The following FAH variants were observed in gnomAD, a reference collection of about 807,000 sequenced individuals.
The protein encoded by FAH is fumarylacetoacetase.
Under a neutral mutation model 55.8 loss-of-function variants are expected in FAH, and 47 were observed. The ratio of observed to expected loss-of-function variants is 0.84; its 90% confidence interval spans 0.67 to 1.07. The LOEUF is 1.07. Among genes scored for constraint, FAH ranks in the 50% least tolerant of loss-of-function variants. The probability of loss-of-function intolerance (pLI) is 0.00; values close to 1 mark genes in which losing one functional copy is unlikely to be tolerated. For missense variants in FAH, 495 were observed against 545.9 expected (o/e 0.91, Z 0.93); for synonymous variants, 199 against 207.7 (o/e 0.96, Z 0.36).
intron 9 of FAH, chr15:80,173,391 T>C: frequency 1.7e-6 from 1 of 593,420 alleles, no homozygotes; most frequent in Non-Finnish European, 3.0e-6. Flanking sequence ...TTTTGTAACC[T>C]TAAGAATCTT....
chr15:80,180,960 T>C (rs2041326007), intron 12 of FAH, 82 bp from the exon 13 acceptor site: 1 of 1,163,438 alleles, frequency 8.6e-7, no homozygotes, highest in Non-Finnish European at 1.3e-6. Flanking sequence ...TTCTCGGGAC[T>C]CCCAGGTCTT....
intron 1 of FAH, 60 bp downstream of exon 1, chr15:80,153,195 GTGGAGTGGAGTGGAGTGGAA>G: frequency 8.7e-7 from 1 of 1,147,526 alleles, no homozygotes; most frequent in East Asian, 3.1e-5. Context: ...GTGGAGTGGA[GTGGAGTGGAGTGGAGTGGAA>G]TGGAGTGGAA....
intron 10 of FAH, among the ~76,000 whole-genome samples, chr15:80,176,436 C>T (rs567746856): frequency 2.3e-4 from 35 of 152,340 alleles, no homozygotes; most frequent in African/African-American, 7.7e-4. Flanking sequence ...AGGCGCAGTA[C>T]ACTGCAGGAG....
In FAH at chr15:80,158,181, G is replaced by A; in HGVS notation, c.192+11G>A. 1 of 1,577,744 alleles carries A rather than the reference G, an allele frequency of 6.3e-7. No homozygotes were observed. Among genetic ancestry groups the A allele is most frequent in the African/African-American group, 1.3e-5 (1 of 74,352 alleles). On this transcript the variant is annotated intron_variant, in intron 2 of 13. Coordinates refer to ENST00000561421, the MANE Select transcript of FAH (RefSeq NM_000137.4). ...GATGTCTTCAATCAGGTAGGACATT[G>A]TGAAACGACTTGTCCCTGACCTCAG...
intron 13 of FAH, among the ~76,000 whole-genome samples, chr15:80,184,998 T>C (rs1305708004): frequency 6.6e-6 from 1 of 152,156 alleles, no homozygotes; most frequent in Non-Finnish European, 1.5e-5. Flanking sequence ...TGGACCCCTC[T>C]CAAGGGCAGA....
chr15:80,165,222 C>T (rs2041181390), intron 5 of FAH, among the ~76,000 whole-genome samples: 1 of 151,982 alleles, frequency 6.6e-6, no homozygotes, highest in Admixed American at 6.6e-5. Flanking sequence ...GAAACCCTGT[C>T]TCTACTAAAA....
At chr15:80,173,211 G>A in intron 9 of FAH, 67 bp downstream of exon 9, 1 of 1,594,300 alleles carries the variant, frequency 6.3e-7, no homozygotes, top group Non-Finnish European at 8.6e-7. Context: ...CTTGCCCACT[G>A]AGTGGACATG....
rs757682374 is a variant in FAH at position 80,158,091 on chromosome 15, A to AC, written c.115dup (p.Gln39ProfsTer61). On this transcript the variant is annotated frameshift_variant, in exon 2 of 14. Transcript: ENST00000561421. LOFTEE classifies it high-confidence loss of function. ...CCGAGGATAGGTGTGGCCATTGGCG[A>AC]CCAGATCCTGGACCTCAGCATCATC... 6.2e-7 allele frequency: 1 copy of AC among 1,614,024 alleles called. No homozygotes were observed. Among genetic ancestry groups the AC allele is most frequent in the Non-Finnish European group, 8.5e-7 (1 of 1,180,008 alleles).
In FAH at chr15:80,158,087, G is replaced by A. The variant is rs761938144; in HGVS notation, c.109G>A (p.Gly37Ser). Reference sequence around the variant, plus strand: ...AAGACCGAGGATAGGTGTGGCCATTGGCGACCAGATCCTGGACCTCAGCAT... The same window carrying A: ...AAGACCGAGGATAGGTGTGGCCATTAGCGACCAGATCCTGGACCTCAGCAT... Reference protein sequence around the residue: ...DPRPRIGVAIGDQILDLSIIK... With the variant: ...DPRPRIGVAISDQILDLSIIK... The change falls in exon 2 of 14, where the codon GGC becomes AGC. Residue 37 changes from glycine (G) to serine (S), a missense_variant. Coordinates refer to ENST00000561421, the MANE Select transcript of FAH (RefSeq NM_000137.4). 3 of 1,613,986 alleles carry A rather than the reference G, an allele frequency of 1.9e-6. No homozygotes were observed. The highest frequency in any genetic ancestry group is 2.7e-5 in the African/African-American group (2 of 74,906).
At chr15:80,175,995 C>G (rs2041280723) in intron 10 of FAH, among the ~76,000 whole-genome samples, 1 of 152,186 alleles carries the variant, frequency 6.6e-6, no homozygotes, top group Non-Finnish European at 1.5e-5. Context: ...TAGCTCCATT[C>G]CATTCCTTTT....
At chr15:80,173,483 A>G (rs1003697973) in intron 9 of FAH, 3 of 419,248 alleles carry the variant, frequency 7.2e-6, no homozygotes, top group Admixed American at 7.0e-5. Context: ...GTGGCCATCA[A>G]ATCTTGTTCT....
intron 13 of FAH, among the ~76,000 whole-genome samples, chr15:80,183,556 G>T (rs566139775): frequency 6.6e-6 from 1 of 152,332 alleles, no homozygotes; most frequent in South Asian, 2.1e-4. Flanking sequence ...GGTTTCTTCA[G>T]CTCTTCCCGG....
intron 13 of FAH, among the ~76,000 whole-genome samples, chr15:80,183,659 A>G (rs1251521479): frequency 6.6e-6 from 1 of 152,136 alleles, no homozygotes. Flanking sequence ...TCCCCAAATC[A>G]ATTTCTAACC....
rs751284572 is a variant in FAH at position 80,175,007 on chromosome 15, C to T, written c.838-9C>T. On this transcript the variant is annotated splice_polypyrimidine_tract_variant and intron_variant, in intron 9 of 13. Transcript: ENST00000561421. ...CCAGTGACCTCTGTGCTGTGCTTTG[C>T]CCTCTCAGGACCCCAGGCCCCTGCC... The T allele has an allele frequency of 6.2e-7, 1 of 1,613,634 alleles. No homozygotes were observed. Among genetic ancestry groups the T allele is most frequent in the East Asian group, 2.2e-5 (1 of 44,868 alleles).
In FAH at chr15:80,180,414, A is replaced by G. The variant is rs74027253; in HGVS notation, c.1062+189A>G. On this transcript the variant is annotated intron_variant, in intron 12 of 13. Coordinates refer to ENST00000561421, the MANE Select transcript of FAH (RefSeq NM_000137.4). Reference sequence around the variant, plus strand: ...ACTTCTCATCCAAATTCAAACCTAAAGAGACTGGTGTGAGAACGGAAGCCT... The same window carrying G: ...ACTTCTCATCCAAATTCAAACCTAAGGAGACTGGTGTGAGAACGGAAGCCT... The G allele has an allele frequency of 1.4e-3, 832 of 607,932 alleles. 5 individuals carry two copies. Among genetic ancestry groups the G allele is most frequent in the African/African-American group, 0.014 (739 of 54,634 alleles). The allele number at this position is 607,932 out of a possible 1,614,324, so 37.7% of individuals were successfully genotyped here. A position where few individuals can be genotyped will look rare whatever the true frequency, so the allele number is the denominator to read the frequency against.
intron 9 of FAH, 134 bp from the exon 10 acceptor site, chr15:80,174,882 G>C: frequency 1.3e-6 from 1 of 748,552 alleles, no homozygotes; most frequent in Non-Finnish European, 2.4e-6. Context: ...TCCCTGGAGA[G>C]GGAATGCTCC....
At chr15:80,158,574 C>T (rs112547400) in intron 2 of FAH, among the ~76,000 whole-genome samples, 96 of 152,324 alleles carry the variant, frequency 6.3e-4, no homozygotes, top group African/African-American at 1.7e-3. Context: ...GAAGCAGCTA[C>T]GGAGGAGTCA....
chr15:80,186,429 A>T, downstream of FAH: 1 of 611,162 alleles, frequency 1.6e-6, no homozygotes, highest in Non-Finnish European at 3.0e-6. Flanking sequence ...GATATTCATT[A>T]ATATGTTTTC....
rs769838982 is a variant in FAH, at chr15:80,153,020, C to T, written c.-35C>T. The T allele has an allele frequency of 1.8e-5, 28 of 1,598,808 alleles. 1 individual carries two copies. In the South Asian group the frequency reaches 3.0e-4, roughly 17 times the overall value. On this transcript the variant is annotated 5_prime_UTR_variant, in exon 1 of 14. Coordinates refer to ENST00000561421, the MANE Select transcript of FAH (RefSeq NM_000137.4). ...GTTCAGTCCTGCTCTCCGCACGCCACCTTAGGCCCGCAGCCGTGCCGGGTG... is the reference window on the plus strand; with the variant it reads ...GTTCAGTCCTGCTCTCCGCACGCCATCTTAGGCCCGCAGCCGTGCCGGGTG...
Sources: gnomAD v4.1 joint callset for allele counts (sites outside exome capture counted in the v4.1 genomes callset) on GRCh38, gnomAD v4.1.1 for gene constraint, MANE v1.5 for transcripts, NCBI Gene and HGNC (gene_info 2026-07-23, HGNC 2026-07-21) for gene names.